The following CCNY variants were observed in gnomAD, a reference collection of about 807,000 sequenced individuals.
CCNY encodes the protein cyclin-Y.
A neutral mutation model predicts 42.8 loss-of-function variants in CCNY; 19 were observed. The ratio of observed to expected loss-of-function variants is 0.44; its 90% CI spans 0.31 to 0.65. CCNY has a LOEUF of 0.65. Among genes scored for constraint, CCNY ranks in the 30% least tolerant of loss-of-function variants. The pLI is 0.07. For synonymous variants in CCNY, 165 were observed against 162.7 expected (o/e 1.01, Z -0.11); for missense variants, 370 against 437.3 (o/e 0.85, Z 1.37).
intron 3 of CCNY, among the ~76,000 whole-genome samples, chr10:35,502,698 A>G (rs1173830111): frequency 6.6e-6 from 1 of 151,256 alleles, no homozygotes; most frequent in Non-Finnish European, 1.5e-5. Context: ...TGTTTAAAGC[A>G]CCTTTGAAAT....
At chr10:35,260,028 C>T (rs990198466) in intron 3 of CCNY, among the ~76,000 whole-genome samples, 8 of 152,028 alleles carry the variant, frequency 5.3e-5, no homozygotes, top group South Asian at 2.1e-4. Context: ...AGAGAAAGCA[C>T]GGCAATCTCT....
chr10:35,326,884 CT>C (rs1835886242), intron 3 of CCNY, among the ~76,000 whole-genome samples: 1 of 151,388 alleles, frequency 6.6e-6, no homozygotes, highest in African/African-American at 2.5e-5. Flanking sequence ...GTGACACTGT[CT>C]CTTAAAACAA....
chr10:35,284,357 T>C (rs1222085465), intron 3 of CCNY, among the ~76,000 whole-genome samples: 2 of 152,144 alleles, frequency 1.3e-5, no homozygotes, highest in African/African-American at 4.8e-5. Context: ...ATTCCCAAAG[T>C]GTCCTCATGC....
intron 1 of CCNY, among the ~76,000 whole-genome samples, chr10:35,399,315 C>CCCAGGGGGTCCTTCTCCATGA (rs56799045): frequency 6.6e-6 from 1 of 151,778 alleles, no homozygotes; most frequent in Admixed American, 6.6e-5. Context: ...GGCTTGACTG[C>CCCAGGGGGTCCTTCTCCATGA]CCAGGATGCT....
chr10:35,291,287 G>A (rs1479848017), intron 3 of CCNY, among the ~76,000 whole-genome samples: 1 of 152,068 alleles, frequency 6.6e-6, no homozygotes, highest in East Asian at 1.9e-4. Flanking sequence ...GATTACAGGT[G>A]TGAGTCATTC....
chr10:35,284,129 A>G (rs527262744), intron 3 of CCNY, among the ~76,000 whole-genome samples: 42 of 152,302 alleles, frequency 2.8e-4, no homozygotes, highest in African/African-American at 9.9e-4. Flanking sequence ...TAATTGAGGT[A>G]TGCTTTACAG....
intron 3 of CCNY, among the ~76,000 whole-genome samples, chr10:35,261,231 A>C (rs1261103623): frequency 1.3e-5 from 2 of 149,326 alleles, no homozygotes; most frequent in Admixed American, 6.6e-5. Context: ...TCTCTAAAAA[A>C]AAAAAAAATT....
At chr10:35,388,924 A>G (rs774084780) in intron 1 of CCNY, among the ~76,000 whole-genome samples, 12 of 152,116 alleles carry the variant, frequency 7.9e-5, no homozygotes, top group Non-Finnish European at 1.8e-4. Context: ...CCATGTCTGG[A>G]GTGTACTTCT....
chr10:35,247,867 C>G (rs1170199226), intron 1 of CCNY, among the ~76,000 whole-genome samples: 1 of 100,490 alleles, frequency 1.0e-5, no homozygotes, highest in Non-Finnish European at 1.8e-5. Flanking sequence ...CAGAGCAAGA[C>G]TCCATCTCAA....
chr10:35,306,251 T>C (rs377530597), intron 3 of CCNY, among the ~76,000 whole-genome samples: 1 of 152,134 alleles, frequency 6.6e-6, no homozygotes, highest in African/African-American at 2.4e-5. Context: ...GCCAGGTTGG[T>C]CTTGAACTCC....
intron 7 of CCNY, among the ~76,000 whole-genome samples, chr10:35,534,953 A>G (rs1840849843): frequency 1.4e-5 from 2 of 142,304 alleles, no homozygotes; most frequent in South Asian, 4.4e-4. Context: ...GTGGGGATAC[A>G]TACACACACA....
rs1840616961 is a variant in CCNY at position 35,524,690 on chromosome 10, GA to G, written c.366-1271del. On this transcript the variant is annotated intron_variant, in intron 4 of 9. Coordinates refer to ENST00000374704, the MANE Select transcript of CCNY (RefSeq NM_145012.6). ...TAGTGGAAGTATCTAGACAGTTTTT[GA>G]AAGAGGAAATTTTAAAAAATTGTCC... Among the ~76,000 whole-genome samples, 3 of 152,310 alleles carry G rather than the reference GA, an allele frequency of 2.0e-5. No individual in the cohort carries two copies. In the South Asian group the frequency reaches 6.2e-4, roughly 32 times the overall value.
chr10:35,548,824 C>T (rs576042068), intron 7 of CCNY, among the ~76,000 whole-genome samples: 7 of 152,146 alleles, frequency 4.6e-5, no homozygotes, highest in Admixed American at 3.9e-4. Context: ...CCACACAGCT[C>T]GAACCTGTGT....
chr10:35,436,093 G>A (rs1716957979), intron 1 of CCNY, among the ~76,000 whole-genome samples: 1 of 152,166 alleles, frequency 6.6e-6, no homozygotes, highest in African/African-American at 2.4e-5. Context: ...GTTGGGCAGG[G>A]GTGGGGCAGC....
intron 1 of CCNY, among the ~76,000 whole-genome samples, chr10:35,401,279 C>T (rs917939680): frequency 6.6e-6 from 1 of 152,176 alleles, no homozygotes; most frequent in African/African-American, 2.4e-5. Context: ...GGACCATTTG[C>T]TTACCAGGAA....
At chr10:35,556,521 A>G (rs1350150742) in intron 8 of CCNY, among the ~76,000 whole-genome samples, 2 of 152,206 alleles carry the variant, frequency 1.3e-5, no homozygotes, top group South Asian at 2.1e-4. Flanking sequence ...TTACCACACT[A>G]TAAGACTCTA....
At chr10:35,368,228 C>T (rs921206505) in intron 1 of CCNY, among the ~76,000 whole-genome samples, 7 of 152,206 alleles carry the variant, frequency 4.6e-5, no homozygotes, top group Admixed American at 6.5e-5. Flanking sequence ...GCATGACCTT[C>T]GGTGAGTCTT....
chr10:35,435,409 C>G (rs1838507145), intron 1 of CCNY, among the ~76,000 whole-genome samples: 1 of 152,182 alleles, frequency 6.6e-6, no homozygotes, highest in Non-Finnish European at 1.5e-5. Flanking sequence ...TGGAATAAAC[C>G]TGCCCCATAC....
intron 1 of CCNY, among the ~76,000 whole-genome samples, chr10:35,459,247 G>A (rs761461058): frequency 2.4e-4 from 37 of 152,196 alleles, no homozygotes; most frequent in South Asian, 1.0e-3. Context: ...CCGGGCCAGC[G>A]CTGCTGTCTG....
Sources: allele counts gnomAD v4.1 joint callset (sites outside exome capture counted in the v4.1 genomes callset), GRCh38; gene constraint gnomAD v4.1.1; transcripts MANE v1.5; gene names NCBI Gene and HGNC (gene_info 2026-07-23, HGNC 2026-07-21).